The following TRMT1L variants were observed in gnomAD, a reference collection of about 807,000 sequenced individuals.
TRMT1L encodes tRNA (guanine(27)-N(2))-dimethyltransferase.
Under a neutral mutation model 81.6 loss-of-function variants are expected in TRMT1L, and 28 were observed. The observed-to-expected ratio is 0.34, with a 90% CI of 0.25 to 0.47. TRMT1L has a LOEUF of 0.47. TRMT1L is among the 20% of genes least tolerant of loss of function. TRMT1L has a pLI of 1.00. For synonymous variants in TRMT1L, 301 were observed against 303.2 expected (o/e 0.99, Z 0.07); for missense variants, 739 against 877.1 (o/e 0.84, Z 1.99).
chr1:185,147,211 G>T lies in TRMT1L; in HGVS notation c.496C>A (p.Pro166Thr). Reference sequence around the variant, plus strand: ...TCTCCAATAATGTTTGGTTTCACTGGTCGACAAGGTAAGTGACAGATGCAC... The same window carrying T: ...TCTCCAATAATGTTTGGTTTCACTGTTCGACAAGGTAAGTGACAGATGCAC... ...RMCICHLPCR[P>T]VKPNIIGEQI... The change falls in exon 4 of 15, where the codon CCA (proline) becomes ACA (threonine). Residue 166 changes from proline to threonine, a missense_variant. Around this residue, in one of 4 missense-constraint regions of TRMT1L, gnomAD observed 331 missense variants for 462.2 expected, o/e 0.72. Transcript: ENST00000367506. The T allele has an allele frequency of 6.2e-7, 1 of 1,610,398 alleles. No homozygotes were observed. Among genetic ancestry groups the T allele is most frequent in the South Asian group, 1.1e-5 (1 of 90,616 alleles).
At position 185,156,550 on chromosome 1, in the gene TRMT1L, G is replaced by C. The variant is rs778590946; in HGVS notation, c.163C>G (p.Pro55Ala). 1.7e-5 allele frequency: 27 copies of C among 1,606,804 alleles called. No homozygotes were observed. The highest frequency in any genetic ancestry group is 2.3e-5 in the Non-Finnish European group (27 of 1,176,918). ...GGAGCCTGGGCCAGGGCAGGGGCTG[G>C]GGCTGGAGCCGAGGCCGGAGTCGGA... Reference protein sequence around the residue: ...SAPTPASAPAPAPALAQAPAL... With the variant: ...SAPTPASAPAAAPALAQAPAL... The change falls in exon 1 of 15, where the codon CCA (proline) becomes GCA (alanine). Residue 55 changes from proline (P) to alanine (A), a missense_variant. Transcript: ENST00000367506.
At chr1:185,127,235 G>A (rs1652651258) in intron 11 of TRMT1L, among the ~76,000 whole-genome samples, 1 of 152,200 alleles carries the variant, frequency 6.6e-6, no homozygotes, top group African/African-American at 2.4e-5. Flanking sequence ...TGTAGCAGAT[G>A]CTATAGGTGA....
chr1:185,145,514 T>C lies in TRMT1L; in HGVS notation c.580A>G (p.Thr194Ala). 1.2e-6 allele frequency: 2 copies of C among 1,612,220 alleles called. No individual in the cohort carries two copies. The highest frequency in any genetic ancestry group is 1.7e-6 in the Non-Finnish European group (2 of 1,178,726). Reference sequence around the variant, plus strand: ...TGTCCTAGCATATCAGTTCTTCTGGTGATTGTTGCTGAACAAATGATACAA... The same window carrying C: ...TGTCCTAGCATATCAGTTCTTCTGGCGATTGTTGCTGAACAAATGATACAA... ...YHCIICSATITRRTDMLGHVR... is the reference protein window; with the variant it reads ...YHCIICSATIARRTDMLGHVR... Residue 194 changes from threonine to alanine, a missense_variant, in exon 5 of 15, where the codon ACC becomes GCC. Physicochemically the swap from Thr to Ala is moderately conservative, Grantham distance 58. Coordinates refer to ENST00000367506, the MANE Select transcript of TRMT1L (RefSeq NM_030934.5).
At position 185,128,734 on chromosome 1, in the gene TRMT1L, T is replaced by C. The variant is rs775948558; in HGVS notation, c.1527A>G (p.Arg509=). 3.7e-6 allele frequency: 6 copies of C among 1,602,362 alleles called. No homozygotes were observed. The South Asian group carries it at 6.8e-5, about 18-fold the overall frequency. Residue 509 remains arginine (R), a synonymous_variant, in exon 11 of 15, where the codon AGA becomes AGG. Coordinates refer to ENST00000367506, the MANE Select transcript of TRMT1L (RefSeq NM_030934.5). ...TTCCATGACAGTTACAAGGCAGCTG[T>C]CTATATGGGTTTTCTGTAAAAAGAT... is the stretch of plus-strand genomic sequence containing the variant. ...DGNMVEENPY[R]QLPCNCHGSM...
Position 185,132,525 on chromosome 1 carries a change from A to T in TRMT1L, c.1514-3778T>A, listed in dbSNP as rs191874958. On this transcript the variant is annotated intron_variant, in intron 10 of 14. Coordinates refer to ENST00000367506, the MANE Select transcript of TRMT1L (RefSeq NM_030934.5). Reference sequence around the variant, plus strand: ...CATAGCGATACTCCACCTCAAAAAAAAAATAAATAAAAATAAAAATAAAAA... The same window carrying T: ...CATAGCGATACTCCACCTCAAAAAATAAATAAATAAAAATAAAAATAAAAA... Among the ~76,000 whole-genome samples the T allele has an allele frequency of 5.6e-3, 834 of 148,568 alleles. 31 individuals carry two copies. The East Asian group carries it at 0.089, about 16-fold the overall frequency.
intron 2 of TRMT1L, 138 bp from the exon 3 acceptor site, chr1:185,150,630 T>C: frequency 1.5e-6 from 1 of 671,518 alleles, no homozygotes; most frequent in Non-Finnish European, 2.6e-6. Context: ...GTCATTATTC[T>C]TGACCCAGGA....
intron 13 of TRMT1L, chr1:185,120,769 C>G (rs6700484): frequency 0.48 from 117,865 of 244,972 alleles, 30,228 homozygotes; most frequent in African/African-American, 0.73. Context: ...AGCCATCTGT[C>G]AATCTGGGGC....
Position 185,140,085 on chromosome 1 carries a change from CCTTA to C in TRMT1L, c.993_996del (p.Ser331ArgfsTer22), listed in dbSNP as rs1331013919. ...AGAATATCATCACTCTTTTCCTTTT[CCTTA>C]CTGTCCACCACCACTTTCAATTTGT... On this transcript the variant is annotated frameshift_variant, in exon 8 of 15. Coordinates refer to ENST00000367506, the MANE Select transcript of TRMT1L (RefSeq NM_030934.5). LOFTEE classifies it high-confidence loss of function. The C allele has an allele frequency of 1.2e-6, 2 of 1,613,778 alleles. No homozygotes were observed. Among genetic ancestry groups the C allele is most frequent in the Non-Finnish European group, 1.7e-6 (2 of 1,179,868 alleles).
At chr1:185,143,824 T>G in intron 6 of TRMT1L, 82 bp downstream of exon 6, 1 of 1,180,012 alleles carries the variant, frequency 8.5e-7, no homozygotes, top group South Asian at 2.1e-5. Context: ...TAAATTTTAA[T>G]ATATTAGAAC....
At position 185,156,654 on chromosome 1, in the gene TRMT1L, G is replaced by GCCACCT; in HGVS notation, c.53_58dup (p.Glu18_Val19dup). The GCCACCT allele has an allele frequency of 5.0e-6, 8 of 1,610,710 alleles. No homozygotes were observed. The highest frequency in any genetic ancestry group is 5.9e-6 in the Non-Finnish European group (7 of 1,178,778). On this transcript the variant is annotated inframe_insertion, in exon 1 of 15. Transcript: ENST00000367506. ...GGCCGGGGTCGGGACCTGGACCTGG[G>GCCACCT]CCACCTCCACCTCCTCCTTCTCCAG...
At chr1:185,132,535 A>G (rs1300560577) in intron 10 of TRMT1L, among the ~76,000 whole-genome samples, 1 of 151,192 alleles carries the variant, frequency 6.6e-6, no homozygotes, top group Non-Finnish European at 1.5e-5. Context: ...AAAATAAATA[A>G]AAATAAAAAT....
intron 13 of TRMT1L, among the ~76,000 whole-genome samples, chr1:185,121,223 C>T (rs1167169659): frequency 1.3e-5 from 2 of 152,084 alleles, no homozygotes; most frequent in Non-Finnish European, 2.9e-5. Flanking sequence ...GGTGTTCAAC[C>T]CTTGATTATT....
intron 5 of TRMT1L, 57 bp from the exon 6 acceptor site, chr1:185,144,086 G>T (rs1571354099): frequency 1.6e-6 from 2 of 1,269,856 alleles, no homozygotes; most frequent in South Asian, 1.5e-5. Context: ...CTAAACAAAA[G>T]ATTTCCAAGA....
At chr1:185,124,377 A>ATCTAGT (rs1260810005) in intron 12 of TRMT1L, among the ~76,000 whole-genome samples, 1 of 151,840 alleles carries the variant, frequency 6.6e-6, no homozygotes, top group Non-Finnish European at 1.5e-5. Flanking sequence ...GTAAAATTAA[A>ATCTAGT]AACACACAAA....
At chr1:185,150,257 C>A in intron 3 of TRMT1L, 122 bp downstream of exon 3, 1 of 660,004 alleles carries the variant, frequency 1.5e-6, no homozygotes, top group Non-Finnish European at 2.6e-6. Context: ...GAAATGAGGG[C>A]ATTAAACCCC....
chr1:185,142,297 T>C (rs1039794872), intron 7 of TRMT1L, among the ~76,000 whole-genome samples: 6 of 152,198 alleles, frequency 3.9e-5, no homozygotes, highest in Non-Finnish European at 7.3e-5. Context: ...GGATTTGAAC[T>C]CAGGCAGTCT....
chr1:185,143,789 A>T, intron 6 of TRMT1L, 117 bp downstream of exon 6: 1 of 878,310 alleles, frequency 1.1e-6, no homozygotes, highest in African/African-American at 1.8e-5. Flanking sequence ...GTTAAAACAG[A>T]TGATTTTTAT....
At chr1:185,147,094 T>C (rs1653207348) in intron 4 of TRMT1L, 88 bp downstream of exon 4, 8 of 848,232 alleles carry the variant, frequency 9.4e-6, no homozygotes, top group Middle Eastern at 3.3e-4. Flanking sequence ...CTGCTGAACA[T>C]ACACATTTTA....
rs184609279 is a variant in TRMT1L at position 185,151,904 on chromosome 1, A to T, written c.267T>A (p.Ala89=). The T allele has an allele frequency of 1.2e-5, 20 of 1,603,900 alleles. No homozygotes were observed. The Admixed American group carries it at 3.5e-4, about 28-fold the overall frequency. ...TTACAAAAGCTAAATTCTCTAGATCAGCAAGCTGCCTTTGAATTGAGATGT... is the reference window on the plus strand; with the variant it reads ...TTACAAAAGCTAAATTCTCTAGATCTGCAAGCTGCCTTTGAATTGAGATGT... The part of the protein sequence containing the change: ...KRHISIQRQL[A]DLENLAFVTD... Residue 89 remains alanine (A), a synonymous_variant, in exon 2 of 15, where the codon GCT becomes GCA. Coordinates refer to ENST00000367506, the MANE Select transcript of TRMT1L (RefSeq NM_030934.5).
Sources: allele counts gnomAD v4.1 joint callset (sites outside exome capture counted in the v4.1 genomes callset), GRCh38; gene constraint gnomAD v4.1.1; regional missense constraint gnomAD v4.1.1; transcripts MANE v1.5; gene names NCBI Gene and HGNC (gene_info 2026-07-23, HGNC 2026-07-21).